The following JMJD1C variants were observed in gnomAD, a reference collection of about 807,000 sequenced individuals.
JMJD1C encodes jumonji domain containing 1C.
Under a neutral mutation model 245.3 loss-of-function variants are expected in JMJD1C, and 31 were observed. That is an observed-to-expected ratio of 0.13 (90% CI 0.09 to 0.17). The LOEUF is 0.17. Ranked by LOEUF, JMJD1C falls within the 10% of genes least tolerant of loss-of-function variation. JMJD1C has a pLI of 1.00. For synonymous variants in JMJD1C, 1,057 were observed against 1,017.4 expected (o/e 1.04, Z -0.74); for missense variants, 2,691 against 3,000.2 (o/e 0.90, Z 2.41).
rs368708436 is a variant in JMJD1C, at chr10:63,213,481, A to C, written c.2686T>G (p.Leu896Val). Reference sequence around the variant, plus strand: ...ACTACAGTGTAACTTACCCTCCTTAATGAAGCTTCAGCATTAACTGCATTT... The same window carrying C: ...ACTACAGTGTAACTTACCCTCCTTACTGAAGCTTCAGCATTAACTGCATTT... The part of the protein sequence containing the change: ...PENAVNAEAS[L>V]RRNSPSPWLH... Residue 896 changes from leucine (L) to valine (V), a missense_variant, in exon 8 of 26, where the codon TTA becomes GTA. Physicochemically the swap from Leu to Val is conservative, Grantham distance 32. Coordinates refer to ENST00000399262, the MANE Select transcript of JMJD1C (RefSeq NM_032776.3). The C allele has an allele frequency of 6.3e-7, 1 of 1,586,164 alleles. No homozygotes were observed. Among genetic ancestry groups the C allele is most frequent in the Non-Finnish European group, 8.6e-7 (1 of 1,158,322 alleles).
chr10:63,418,268 T>TC (rs1296820113), intron 1 of JMJD1C, among the ~76,000 whole-genome samples: 1 of 152,276 alleles, frequency 6.6e-6, no homozygotes, highest in East Asian at 1.9e-4. Flanking sequence ...TGCTACCTGG[T>TC]CTGGGGACCA....
chr10:63,292,258 C>T (rs1411873773), intron 2 of JMJD1C, among the ~76,000 whole-genome samples: 1 of 148,134 alleles, frequency 6.8e-6, no homozygotes, highest in Admixed American at 6.8e-5. Flanking sequence ...TATGCTGGGC[C>T]CTAAATTTAT....
At chr10:63,217,571 A>G (rs1468526085) in intron 4 of JMJD1C, 2 of 277,728 alleles carry the variant, frequency 7.2e-6, no homozygotes, top group Non-Finnish European at 1.3e-5. Flanking sequence ...GAGAGAAGGA[A>G]GGTTTCTAGG....
intron 1 of JMJD1C, among the ~76,000 whole-genome samples, chr10:63,459,750 T>C (rs1193874417): frequency 2.6e-5 from 4 of 152,108 alleles, no homozygotes; most frequent in Admixed American, 2.6e-4. Flanking sequence ...GAATGAAATA[T>C]TACCATGTAT....
chr10:63,258,869 C>T (rs1182663539), intron 3 of JMJD1C, among the ~76,000 whole-genome samples: 1 of 152,014 alleles, frequency 6.6e-6, no homozygotes, highest in Non-Finnish European at 1.5e-5. Context: ...AGCAGGGAGC[C>T]GTGAAATTGG....
At chr10:63,278,993 T>A (rs1857118979) in intron 2 of JMJD1C, among the ~76,000 whole-genome samples, 1 of 152,206 alleles carries the variant, frequency 6.6e-6, no homozygotes, top group Non-Finnish European at 1.5e-5. Context: ...CTCACGCCTG[T>A]AATCCCAACA....
intron 1 of JMJD1C, among the ~76,000 whole-genome samples, chr10:63,404,642 G>A (rs143205794): frequency 6.6e-6 from 1 of 152,132 alleles, no homozygotes; most frequent in Non-Finnish European, 1.5e-5. Context: ...TTGGAATATA[G>A]TAACACGTCT....
At chr10:63,419,319 G>A (rs554266641) in intron 1 of JMJD1C, among the ~76,000 whole-genome samples, 36 of 151,886 alleles carry the variant, frequency 2.4e-4, no homozygotes, top group Non-Finnish European at 4.6e-4. Context: ...CCCAGGAGGC[G>A]GAGGTTGCAG....
At chr10:63,169,221 AAC>A (rs1312505160) in intron 24 of JMJD1C, among the ~76,000 whole-genome samples, 1 of 151,884 alleles carries the variant, frequency 6.6e-6, no homozygotes, top group Non-Finnish European at 1.5e-5. Context: ...CTCCTGACCA[AAC>A]AGTTTTCCCA....
intron 22 of JMJD1C, among the ~76,000 whole-genome samples, chr10:63,179,280 A>G (rs1045430107): frequency 2.0e-5 from 3 of 152,004 alleles, no homozygotes; most frequent in African/African-American, 7.3e-5. Context: ...GTGGTGGCAC[A>G]TGCCTGTAAT....
At chr10:63,194,143 G>A in intron 14 of JMJD1C, 143 bp downstream of exon 14, 1 of 620,096 alleles carries the variant, frequency 1.6e-6, no homozygotes, top group Non-Finnish European at 2.9e-6. Flanking sequence ...TTATTACATA[G>A]AGGATTTCCA....
chr10:63,174,352 C>CAAT (rs1170620204), intron 24 of JMJD1C, among the ~76,000 whole-genome samples: 1 of 151,834 alleles, frequency 6.6e-6, no homozygotes, highest in Non-Finnish European at 1.5e-5. Context: ...AACTACCCAG[C>CAAT]AATAAAAAAA....
chr10:63,367,764 C>G (rs75431060), intron 2 of JMJD1C, among the ~76,000 whole-genome samples: 4,554 of 152,218 alleles, frequency 0.03, 101 homozygotes, highest in Non-Finnish European at 0.045. Context: ...ACAGAACTTA[C>G]AAATCTGTTG....
At chr10:63,195,412 T>C (rs1368895741) in intron 13 of JMJD1C, among the ~76,000 whole-genome samples, 1 of 151,776 alleles carries the variant, frequency 6.6e-6, no homozygotes, top group African/African-American at 2.4e-5. Context: ...TAAATAAAAT[T>C]CAAACCCAGT....
intron 2 of JMJD1C, among the ~76,000 whole-genome samples, chr10:63,333,804 A>G (rs965275348): frequency 5.3e-5 from 8 of 152,236 alleles, no homozygotes; most frequent in African/African-American, 1.7e-4. Context: ...AGAGACTTTT[A>G]CAATCCTTGC....
chr10:63,227,125 T>C (rs1849388334), intron 3 of JMJD1C, among the ~76,000 whole-genome samples: 1 of 152,122 alleles, frequency 6.6e-6, no homozygotes, highest in African/African-American at 2.4e-5. Flanking sequence ...TGTACTAACA[T>C]AATTTTAGGT....
At chr10:63,293,789 A>G (rs1564745412) in intron 2 of JMJD1C, among the ~76,000 whole-genome samples, 1 of 150,764 alleles carries the variant, frequency 6.6e-6, no homozygotes, top group Non-Finnish European at 1.5e-5. Flanking sequence ...TATTTCTCTA[A>G]TTTTTTTTTT....
intron 1 of JMJD1C, among the ~76,000 whole-genome samples, chr10:63,505,691 G>C (rs187777589): frequency 5.2e-4 from 79 of 152,112 alleles, no homozygotes; most frequent in African/African-American, 1.9e-3. Context: ...AAGCATCACA[G>C]AAGATTTGAG....
intron 2 of JMJD1C, among the ~76,000 whole-genome samples, chr10:63,267,251 T>C (rs1855694113): frequency 6.6e-6 from 1 of 152,192 alleles, no homozygotes; most frequent in Admixed American, 6.5e-5. Flanking sequence ...TATGTGTGAC[T>C]GCTCTACTTT....
Sources: allele counts gnomAD v4.1 joint callset (sites outside exome capture counted in the v4.1 genomes callset), GRCh38; gene constraint gnomAD v4.1.1; transcripts MANE v1.5; gene names NCBI Gene and HGNC (gene_info 2026-07-23, HGNC 2026-07-21).